USP2: variants seen among roughly 807,000 people sequenced by gnomAD.
USP2 encodes ubiquitin specific peptidase 2.
A neutral mutation model predicts 72.0 loss-of-function variants in USP2; 33 were observed. The observed-to-expected ratio is 0.46, with a 90% confidence interval of 0.35 to 0.61. The LOEUF (loss-of-function observed/expected upper bound fraction) is 0.61. Ranked by LOEUF, USP2 falls within the 20% of genes least tolerant of loss-of-function variation. The pLI is 0.01. For synonymous variants in USP2, 296 were observed against 312.5 expected (o/e 0.95, Z 0.56); for missense variants, 691 against 797.8 (o/e 0.87, Z 1.61).
At chr11:119,367,829 C>A (rs1364994407) in intron 2 of USP2, among the ~76,000 whole-genome samples, 3 of 152,200 alleles carry the variant, frequency 2.0e-5, no homozygotes, top group African/African-American at 7.2e-5. Flanking sequence ...GGGCTCTGAA[C>A]ATGATGTTCA....
At position 119,372,843 on chromosome 11, in the gene USP2, G is replaced by A. The variant is rs1950949905; in HGVS notation, c.638C>T (p.Ser213Phe). Residue 213 changes from serine to phenylalanine, a missense_variant, in exon 2 of 13, where the codon TCC becomes TTC. Ser to Phe is a radical substitution (Grantham distance 155). Transcript: ENST00000260187. ...AGGGACTCGTGAGGGAGGGGCCTGG[G>A]AGGGCACCTGAGATGCACTGCCCTT... The part of the protein sequence containing the change: ...GRKGSASQVP[S>F]QAPPSRVPEI... 3 of 1,607,622 alleles carry A rather than the reference G, an allele frequency of 1.9e-6. No homozygotes were observed. The African/African-American group carries it at 4.0e-5, about 21-fold the overall frequency.
Position 119,356,785 on chromosome 11 carries a change from T to C in USP2, c.*50A>G. 6.7e-7 allele frequency: 1 copy of C among 1,487,070 alleles called. No individual in the cohort carries two copies. The highest frequency in any genetic ancestry group is 9.0e-7 in the Non-Finnish European group (1 of 1,110,882). The allele number at this position is 1,487,070 out of a possible 1,614,324, so 92.1% of individuals were successfully genotyped here. A position where few individuals can be genotyped will look rare whatever the true frequency, so the allele number is the denominator to read the frequency against. ...TTTGTTTTTGTCTTTTTAAAAAATTTAGGGAGCGGGGCCACCACGGGGAAG... is the reference window on the plus strand; with the variant it reads ...TTTGTTTTTGTCTTTTTAAAAAATTCAGGGAGCGGGGCCACCACGGGGAAG... On this transcript the variant is annotated 3_prime_UTR_variant, in exon 13 of 13. Transcript: ENST00000260187.
At position 119,372,961 on chromosome 11, in the gene USP2, G is replaced by A. The variant is rs765354693; in HGVS notation, c.520C>T (p.Arg174Trp). The A allele has an allele frequency of 1.4e-5, 22 of 1,613,704 alleles. No homozygotes were observed. Among genetic ancestry groups the A allele is most frequent in the African/African-American group, 6.7e-5 (5 of 74,934 alleles). Residue 174 changes from arginine to tryptophan, a missense_variant, in exon 2 of 13, where the codon CGG becomes TGG. By Grantham distance (101) the Arg-to-Trp change is moderately radical. Transcript: ENST00000260187. ...RNLGRSPMLA[R>W]TRKELCTLQG... ...AGGGTGCAGAGCTCCTTGCGCGTCC[G>A]GGCCAGCATGGGGCTGCGGCCCAGG...
intron 2 of USP2, among the ~76,000 whole-genome samples, chr11:119,365,904 T>G (rs1173212994): frequency 2.0e-5 from 3 of 151,948 alleles, no homozygotes; most frequent in African/African-American, 2.4e-5. Context: ...TTTTGTTTTT[T>G]TTTTTTTTGA....
At chr11:119,377,798 T>A (rs1486708044) in intron 1 of USP2, among the ~76,000 whole-genome samples, 1 of 152,126 alleles carries the variant, frequency 6.6e-6, no homozygotes, top group Non-Finnish European at 1.5e-5. Flanking sequence ...AAGGGCTCCC[T>A]AACCTGCCCA....
intron 1 of USP2, among the ~76,000 whole-genome samples, chr11:119,374,809 T>A (rs960240617): frequency 1.3e-5 from 2 of 152,174 alleles, no homozygotes; most frequent in African/African-American, 4.8e-5. Flanking sequence ...GTTGTGGGAC[T>A]TGCCCTGTGA....
At chr11:119,371,863 G>T (rs143625447) in intron 2 of USP2, among the ~76,000 whole-genome samples, 3 of 152,286 alleles carry the variant, frequency 2.0e-5, no homozygotes, top group African/African-American at 7.2e-5. Context: ...CAGCAGGTCA[G>T]CCCCCATTGT....
chr11:119,359,892 G>A (rs1026475744), intron 3 of USP2, among the ~76,000 whole-genome samples: 8 of 152,244 alleles, frequency 5.3e-5, no homozygotes, highest in African/African-American at 1.2e-4. Context: ...ACAAAAGGGC[G>A]TGATGTGATG....
At position 119,373,417 on chromosome 11, in the gene USP2, A is replaced by G; in HGVS notation, c.64T>C (p.Tyr22His). 2 of 1,605,224 alleles carry G rather than the reference A, an allele frequency of 1.2e-6. No homozygotes were observed. The highest frequency in any genetic ancestry group is 1.7e-6 in the Non-Finnish European group (2 of 1,179,818). Reference protein sequence around the residue: ...TESARYTDAHYAKSGYGAYTP... With the variant: ...TESARYTDAHHAKSGYGAYTP... ...TAGGCACCATAGCCCGACTTGGCAT[A>G]GTGGGCATCTGTGTAGCGGGCCGAT... The change falls in exon 2 of 13, where the codon TAT becomes CAT. Residue 22 changes from tyrosine (Y) to histidine (H), a missense_variant. Coordinates refer to ENST00000260187, the MANE Select transcript of USP2 (RefSeq NM_004205.5).
At chr11:119,379,104 G>T (rs1393756804) in intron 1 of USP2, 1 of 985,398 alleles carries the variant, frequency 1.0e-6, no homozygotes, top group African/African-American at 1.7e-5. Context: ...CTGACTCTGG[G>T]CTGGGTAATC....
chr11:119,373,157 G>T lies in USP2; in HGVS notation c.324C>A (p.Ser108Arg). Residue 108 changes from serine to arginine, a missense_variant, in exon 2 of 13, where the codon AGC (serine) becomes AGA (arginine). Ser to Arg is a moderately radical substitution (Grantham distance 110, BLOSUM62 -1). Transcript: ENST00000260187. Reference protein sequence around the residue: ...GTERPLGSGLSGGSGFPYGVT... With the variant: ...GTERPLGSGLRGGSGFPYGVT... Reference sequence around the variant, plus strand: ...CTCCATAAGGGAATCCGCTGCCCCCGCTGAGGCCACTGCCTAAAGGCCGCT... The same window carrying T: ...CTCCATAAGGGAATCCGCTGCCCCCTCTGAGGCCACTGCCTAAAGGCCGCT... 2 of 1,614,106 alleles carry T rather than the reference G, an allele frequency of 1.2e-6. No homozygotes were observed. Among genetic ancestry groups the T allele is most frequent in the Non-Finnish European group, 1.7e-6 (2 of 1,180,034 alleles).
In USP2 at chr11:119,372,778, T is replaced by G. The variant is rs1489447334; in HGVS notation, c.703A>C (p.Thr235Pro). 2 of 1,588,512 alleles carry G rather than the reference T, an allele frequency of 1.3e-6. No homozygotes were observed. Among genetic ancestry groups the G allele is most frequent in the Non-Finnish European group, 8.6e-7 (1 of 1,168,748 alleles). The change falls in exon 2 of 13, where the codon ACG becomes CCG. Residue 235 changes from threonine to proline, a missense_variant. Coordinates refer to ENST00000260187, the MANE Select transcript of USP2 (RefSeq NM_004205.5). ...TGACCCTTTCCCGTCTCCCACAGCG[T>G]GTAGCGGCCAATGGGTCGGTAGGTT... ...SPTYRPIGRY[T>P]LWETGKGQAP...
At position 119,373,648 on chromosome 11, in the gene USP2, G is replaced by A. The variant is rs866514151; in HGVS notation, c.-41-127C>T. 4.2e-6 allele frequency: 4 copies of A among 948,696 alleles called. No homozygotes were observed. In the East Asian group the frequency reaches 8.0e-5, roughly 19 times the overall value. 58.8% of individuals were successfully genotyped at this position (948,696 alleles called of 1,614,324 possible). A position where few individuals can be genotyped will look rare whatever the true frequency, so the allele number is the denominator to read the frequency against. Reference sequence around the variant, plus strand: ...GTCCATTTCCACAAGAGGCAGGCTGGCTGCTGAGAAGCACACATGCACGCA... The same window carrying A: ...GTCCATTTCCACAAGAGGCAGGCTGACTGCTGAGAAGCACACATGCACGCA... On this transcript the variant is annotated intron_variant, in intron 1 of 12. Coordinates refer to ENST00000260187, the MANE Select transcript of USP2 (RefSeq NM_004205.5).
At chr11:119,364,911 T>C (rs1439769094) in intron 2 of USP2, among the ~76,000 whole-genome samples, 1 of 152,158 alleles carries the variant, frequency 6.6e-6, no homozygotes, top group Non-Finnish European at 1.5e-5. Context: ...GGCTCTCCCA[T>C]TCTCAAATTT....
In USP2 at chr11:119,357,252, A is replaced by T; in HGVS notation, c.1665T>A (p.Gly555=). 1 of 1,612,778 alleles carries T rather than the reference A, an allele frequency of 6.2e-7. No homozygotes were observed. The highest frequency in any genetic ancestry group is 8.5e-7 in the Non-Finnish European group (1 of 1,179,770). Residue 555 remains glycine (G), a synonymous_variant, in exon 12 of 13, where the codon GGT becomes GGA. Transcript: ENST00000260187. ...TGCGACAGTAGGCTGTATAGTGGCCACCCATGGTGGTTCCGGAGTGATTGG... is the reference window on the plus strand; with the variant it reads ...TGCGACAGTAGGCTGTATAGTGGCCTCCCATGGTGGTTCCGGAGTGATTGG... ...AVSNHSGTTM[G]GHYTAYCRSP...
intron 1 of USP2, among the ~76,000 whole-genome samples, chr11:119,381,196 T>C (rs1207081083): frequency 6.6e-6 from 1 of 151,884 alleles, no homozygotes; most frequent in East Asian, 1.9e-4. Flanking sequence ...ATACCACCGA[T>C]ATACACGGGG....
chr11:119,376,282 C>T, intron 1 of USP2: 3 of 985,702 alleles, frequency 3.0e-6, no homozygotes, highest in Non-Finnish European at 3.6e-6. Flanking sequence ...CGGGCTGGGG[C>T]CCTGGCCGGA....
Position 119,356,926 on chromosome 11 carries a change from C to CGGAGAGAG in USP2, c.1731-12_1731-5dup. The stretch of plus-strand genomic sequence containing the variant: ...GCTGGAGGACATGGGAGTGACGCTG[C>CGGAGAGAG]GGAGAGAGCGGGGAGTCAGCCCGGA... On this transcript the variant is annotated splice_region_variant and splice_polypyrimidine_tract_variant and intron_variant, in intron 12 of 12. Transcript: ENST00000260187. 6.4e-6 allele frequency: 10 copies of CGGAGAGAG among 1,555,208 alleles called. No homozygotes were observed. Among genetic ancestry groups the CGGAGAGAG allele is most frequent in the Non-Finnish European group, 8.7e-6 (10 of 1,149,898 alleles).
At chr11:119,373,552 G>A in intron 1 of USP2, 31 bp from the exon 2 acceptor site, 1 of 1,477,372 alleles carries the variant, frequency 6.8e-7, no homozygotes, top group Non-Finnish European at 8.9e-7. Flanking sequence ...TTGTCAGAGG[G>A]CCCTGCCAGG....
Sources: gnomAD v4.1 joint callset for allele counts (sites outside exome capture counted in the v4.1 genomes callset) on GRCh38, gnomAD v4.1.1 for gene constraint, MANE v1.5 for transcripts, NCBI Gene and HGNC (gene_info 2026-07-23, HGNC 2026-07-21) for gene names.